SLC44A1: variants seen among roughly 807,000 people sequenced by gnomAD.
SLC44A1 encodes solute carrier family 44 member 1.
A neutral mutation model predicts 79.3 loss-of-function variants in SLC44A1; 26 were observed. The ratio of observed to expected loss-of-function variants is 0.33; its 90% CI spans 0.24 to 0.46. The LOEUF (loss-of-function observed/expected upper bound fraction) is 0.46, where lower values mean the gene tolerates loss of function less well. Ranked by LOEUF, SLC44A1 falls within the 20% of genes least tolerant of loss-of-function variation. The probability of loss-of-function intolerance (pLI) is 1.00; values close to 1 mark genes in which losing one functional copy is unlikely to be tolerated. For synonymous variants in SLC44A1, 263 were observed against 286.2 expected, an observed-to-expected ratio of 0.92 and a Z score of 0.82; for missense variants, 688 against 798.1, an observed-to-expected ratio of 0.86 and a Z score of 1.66.
chr9:105,245,518 C>A (rs1829417195), intron 1 of SLC44A1, among the ~76,000 whole-genome samples: 1 of 152,228 alleles, frequency 6.6e-6, no homozygotes. Context: ...CGCTTGCACC[C>A]CATCCCCCCT....
chr9:105,313,091 T>G, intron 3 of SLC44A1, among the ~76,000 whole-genome samples: 1 of 152,222 alleles, frequency 6.6e-6, no homozygotes, highest in South Asian at 2.1e-4. Flanking sequence ...GATTCTTACC[T>G]CTTTGCTGTT....
chr9:105,381,997 A>G (rs557464375), intron 13 of SLC44A1, among the ~76,000 whole-genome samples: 1 of 152,306 alleles, frequency 6.6e-6, no homozygotes, highest in African/African-American at 2.4e-5. Context: ...TACAAGACAA[A>G]ATAAAGAGCT....
At chr9:105,250,531 T>C (rs983440174) in intron 1 of SLC44A1, among the ~76,000 whole-genome samples, 2 of 152,230 alleles carry the variant, frequency 1.3e-5, no homozygotes, top group Admixed American at 6.5e-5. Flanking sequence ...TTTGTAATTT[T>C]GCCTCAGATT....
In SLC44A1 at chr9:105,292,264, G is replaced by T. The variant is rs114829682; in HGVS notation, c.37-6956G>T. ...CCAGATAGTACTTAACTCATTGTTAGTAGGAATCTCACCAGTGACATCTAC... is the reference window on the plus strand; with the variant it reads ...CCAGATAGTACTTAACTCATTGTTATTAGGAATCTCACCAGTGACATCTAC... On this transcript the variant is annotated intron_variant, in intron 1 of 15. Transcript: ENST00000374720. Among the ~76,000 whole-genome samples the T allele has an allele frequency of 4.2e-3, 637 of 152,290 alleles. 6 individuals carry two copies. Among genetic ancestry groups the T allele is most frequent in the African/African-American group, 0.014 (601 of 41,556 alleles).
intron 1 of SLC44A1, among the ~76,000 whole-genome samples, chr9:105,296,727 A>G: frequency 6.6e-6 from 1 of 152,254 alleles, no homozygotes; most frequent in East Asian, 1.9e-4. Context: ...TATTTAATAC[A>G]AAGAAACATT....
intron 15 of SLC44A1, among the ~76,000 whole-genome samples, chr9:105,432,768 A>C (rs1311179024): frequency 6.6e-6 from 1 of 152,216 alleles, no homozygotes; most frequent in African/African-American, 2.4e-5. Context: ...GCGTTATTAC[A>C]GCAAGCTCAG....
chr9:105,296,009 A>G (rs1447265457), intron 1 of SLC44A1, among the ~76,000 whole-genome samples: 2 of 152,244 alleles, frequency 1.3e-5, no homozygotes, highest in Non-Finnish European at 2.9e-5. Context: ...TTTAGTACGT[A>G]TAAGGGAAAA....
chr9:105,324,746 C>T (rs1826517262), intron 3 of SLC44A1, among the ~76,000 whole-genome samples: 1 of 152,246 alleles, frequency 6.6e-6, no homozygotes, highest in Non-Finnish European at 1.5e-5. Context: ...CTAACAGGCA[C>T]ATGAAAAGAT....
At chr9:105,258,184 T>A (rs1457038136) in intron 1 of SLC44A1, among the ~76,000 whole-genome samples, 1 of 152,174 alleles carries the variant, frequency 6.6e-6, no homozygotes, top group East Asian at 1.9e-4. Flanking sequence ...GCTAGACATG[T>A]TAGTTGAGAT....
chr9:105,316,582 T>C (rs1277489042), intron 3 of SLC44A1, among the ~76,000 whole-genome samples: 2 of 152,140 alleles, frequency 1.3e-5, no homozygotes, highest in Admixed American at 1.3e-4. Flanking sequence ...ACTTGGGTAA[T>C]GGAAAAAAAG....
At chr9:105,400,851 A>G (rs538576710), downstream of SLC44A1, among the ~76,000 whole-genome samples, 230 of 152,352 alleles carry the variant, frequency 1.5e-3, no homozygotes, top group African/African-American at 5.5e-3. Context: ...TCAACTTTTC[A>G]AAGGGTTAAT....
intron 1 of SLC44A1, among the ~76,000 whole-genome samples, chr9:105,298,438 C>T (rs989570688): frequency 4.8e-4 from 73 of 152,138 alleles, no homozygotes; most frequent in African/African-American, 1.6e-3. Context: ...CTGCAACCTC[C>T]GCCTCTTGAA....
rs547084893 is a variant in SLC44A1, at chr9:105,413,483, G to A, written c.1951-24798G>A. Among the ~76,000 whole-genome samples, 3 of 152,282 alleles carry A rather than the reference G, an allele frequency of 2.0e-5. No individual in the cohort carries two copies. The East Asian group carries it at 5.8e-4, about 29-fold the overall frequency. On this transcript the variant is annotated intron_variant, in intron 15 of 15. Transcript: ENST00000374724. The stretch of plus-strand genomic sequence containing the variant: ...TGTGATCCTACTTGAAAGAACAAAA[G>A]ACATATTACAAACACCAACAGAACC...
At position 105,396,252 on chromosome 9, in the gene SLC44A1, A is replaced by G; in HGVS notation, c.*7196A>G. 4.1e-6 allele frequency: 4 copies of G among 985,242 alleles called. No individual in the cohort carries two copies. The highest frequency in any genetic ancestry group is 4.8e-6 in the Non-Finnish European group (4 of 829,746). The allele number at this position is 985,242 out of a possible 1,614,324, so 61.0% of individuals were successfully genotyped here. A position where few individuals can be genotyped will look rare whatever the true frequency, so the allele number is the denominator to read the frequency against. ...TTTCTCAGAATATTCTGGACCACTG[A>G]ATGCACTTCTAATAGAGCTTTAATC... On this transcript the variant is annotated 3_prime_UTR_variant, in exon 16 of 16. Coordinates refer to ENST00000374720, the MANE Select transcript of SLC44A1 (RefSeq NM_080546.5).
intron 7 of SLC44A1, among the ~76,000 whole-genome samples, chr9:105,359,438 A>G (rs1395551019): frequency 6.6e-6 from 1 of 152,190 alleles, no homozygotes; most frequent in Non-Finnish European, 1.5e-5. Flanking sequence ...AGATTCCCCC[A>G]AAAGATCATA....
At chr9:105,296,592 A>G (rs1032729459) in intron 1 of SLC44A1, among the ~76,000 whole-genome samples, 2 of 152,234 alleles carry the variant, frequency 1.3e-5, no homozygotes, top group African/African-American at 2.4e-5. Flanking sequence ...AAACAAATAC[A>G]GCATTTCAAA....
At chr9:105,402,015 T>G (rs1004914716), downstream of SLC44A1, among the ~76,000 whole-genome samples, 5 of 152,148 alleles carry the variant, frequency 3.3e-5, no homozygotes, top group African/African-American at 1.2e-4. Context: ...GGGAGGGTGA[T>G]TCTACCCAGA....
At chr9:105,266,679 C>T (rs1399220602) in intron 1 of SLC44A1, among the ~76,000 whole-genome samples, 1 of 152,136 alleles carries the variant, frequency 6.6e-6, no homozygotes, top group East Asian at 1.9e-4. Context: ...TGTCTTAATA[C>T]TAGTACTGTA....
intron 1 of SLC44A1, among the ~76,000 whole-genome samples, chr9:105,294,184 A>G (rs1338405794): frequency 6.6e-6 from 1 of 152,214 alleles, no homozygotes; most frequent in Non-Finnish European, 1.5e-5. Context: ...TGTTGTAGGA[A>G]TATATTCACA....
Sources: gnomAD v4.1 joint callset for allele counts (sites outside exome capture counted in the v4.1 genomes callset) on GRCh38, gnomAD v4.1.1 for gene constraint, MANE v1.5 for transcripts, NCBI Gene and HGNC (gene_info 2026-07-23, HGNC 2026-07-21) for gene names.